SERGEF: variants seen among roughly 807,000 people sequenced by gnomAD.
SERGEF encodes the protein secretion-regulating guanine nucleotide exchange factor.
In SERGEF, 51 loss-of-function variants were observed where a neutral mutation model predicts 50.0. The observed-to-expected ratio is 1.02, with a 90% CI of 0.81 to 1.29. The LOEUF is 1.29. Among genes scored for constraint, SERGEF ranks in the 50% most tolerant of loss-of-function variants. The pLI is 0.00. For synonymous variants in SERGEF, 205 were observed against 212.4 expected (o/e 0.97, Z 0.30); for missense variants, 521 against 557.0 (o/e 0.94, Z 0.65).
chr11:17,959,479 T>G lies in SERGEF; in HGVS notation c.1002A>C (p.Gly334=). 1 of 1,612,796 alleles carries G rather than the reference T, an allele frequency of 6.2e-7. No homozygotes were observed. Among genetic ancestry groups the G allele is most frequent in the Non-Finnish European group, 8.5e-7 (1 of 1,179,588 alleles). ...SMPSSPHCLT[G]ATEVSCGSEH... ...AGAAGTCACTTCCTACCTCAGTTGCTCCAGTTAAGCAATGCGGAGACGAAG... is the reference window on the plus strand; with the variant it reads ...AGAAGTCACTTCCTACCTCAGTTGCGCCAGTTAAGCAATGCGGAGACGAAG... Residue 334 remains glycine, a synonymous_variant, in exon 9 of 11, where the codon GGA becomes GGC. Transcript: ENST00000265965.
At chr11:17,802,228 TCCA>T (rs1849683374) in intron 10 of SERGEF, among the ~76,000 whole-genome samples, 1 of 152,156 alleles carries the variant, frequency 6.6e-6, no homozygotes, top group South Asian at 2.1e-4. Flanking sequence ...ACATCTAATT[TCCA>T]GGTAGTATGA....
chr11:17,982,971 TCA>T, intron 8 of SERGEF, among the ~76,000 whole-genome samples: 1 of 152,346 alleles, frequency 6.6e-6, no homozygotes, highest in Non-Finnish European at 1.5e-5. Flanking sequence ...CTGCTTGGTT[TCA>T]GTTTTTTCAT....
chr11:17,809,261 G>A (rs1290018121), intron 10 of SERGEF, among the ~76,000 whole-genome samples: 1 of 152,178 alleles, frequency 6.6e-6, no homozygotes, highest in African/African-American at 2.4e-5. Context: ...CCACTTGGTG[G>A]AAGAAGACGT....
intron 9 of SERGEF, 95 bp downstream of exon 9, chr11:17,959,375 T>G (rs1237103876): frequency 8.8e-7 from 1 of 1,130,232 alleles, no homozygotes; most frequent in African/African-American, 1.6e-5. Context: ...ATGGTACCTA[T>G]CCATAACGCC....
chr11:17,910,494 C>G (rs1241875226), intron 9 of SERGEF, among the ~76,000 whole-genome samples: 1 of 152,172 alleles, frequency 6.6e-6, no homozygotes, highest in Non-Finnish European at 1.5e-5. Flanking sequence ...TCAAGCAATT[C>G]TCTCCCGCTT....
intron 10 of SERGEF, among the ~76,000 whole-genome samples, chr11:17,827,458 T>A (rs939420406): frequency 6.6e-6 from 1 of 152,166 alleles, no homozygotes; most frequent in Non-Finnish European, 1.5e-5. Flanking sequence ...AGAAAGACAA[T>A]GACACAGGAA....
At chr11:17,915,444 G>A (rs1852031760) in intron 9 of SERGEF, among the ~76,000 whole-genome samples, 1 of 152,164 alleles carries the variant, frequency 6.6e-6, no homozygotes, top group African/African-American at 2.4e-5. Context: ...GGTCACAGAA[G>A]AAATCAAAGG....
At chr11:17,916,254 T>C (rs1378667129) in intron 9 of SERGEF, among the ~76,000 whole-genome samples, 1 of 152,168 alleles carries the variant, frequency 6.6e-6, no homozygotes, top group Non-Finnish European at 1.5e-5. Flanking sequence ...CCAAGAATGT[T>C]CAAAATGAGG....
intron 9 of SERGEF, among the ~76,000 whole-genome samples, chr11:17,933,524 T>C (rs896906978): frequency 1.3e-5 from 2 of 152,166 alleles, no homozygotes; most frequent in African/African-American, 4.8e-5. Flanking sequence ...TCACTCCATC[T>C]ATCTGGGCTT....
intron 8 of SERGEF, among the ~76,000 whole-genome samples, chr11:17,961,944 G>T (rs561528018): frequency 3.9e-5 from 6 of 152,076 alleles, no homozygotes; most frequent in Non-Finnish European, 8.8e-5. Context: ...ATTCATTGAC[G>T]CTGGCTCAAT....
chr11:17,821,829 G>C (rs922308787), intron 10 of SERGEF, among the ~76,000 whole-genome samples: 2 of 152,198 alleles, frequency 1.3e-5, no homozygotes, highest in African/African-American at 2.4e-5. Flanking sequence ...GAGGGCAAGA[G>C]AGTAATGTGA....
At chr11:17,903,502 C>T (rs1415329397) in intron 9 of SERGEF, among the ~76,000 whole-genome samples, 1 of 152,104 alleles carries the variant, frequency 6.6e-6, no homozygotes, top group Non-Finnish European at 1.5e-5. Flanking sequence ...CAAGGTTACC[C>T]TAGATAGATT....
rs200128977 is a variant in SERGEF at position 17,910,185 on chromosome 11, A to ACT, written c.1012-31942_1012-31941insAG. The stretch of plus-strand genomic sequence containing the variant: ...ATTTGCCACCTACACACACACACAC[A>ACT]CACACACACTCTCTCTCTCTCTCTC... On this transcript the variant is annotated intron_variant, in intron 9 of 10. Transcript: ENST00000265965. Among the ~76,000 whole-genome samples the ACT allele has an allele frequency of 2.8e-3, 301 of 108,504 alleles. 1 individual carries two copies. Among genetic ancestry groups the ACT allele is most frequent in the African/African-American group, 0.013 (296 of 22,806 alleles). 71.2% of individuals were successfully genotyped at this position (108,504 alleles called of 152,430 possible). A position where few individuals can be genotyped will look rare whatever the true frequency, so the allele number is the denominator to read the frequency against.
intron 10 of SERGEF, among the ~76,000 whole-genome samples, chr11:17,868,768 A>C (rs1173092992): frequency 6.6e-6 from 1 of 152,232 alleles, no homozygotes; most frequent in Non-Finnish European, 1.5e-5. Context: ...AGGAGGAGAA[A>C]GTCACATCTT....
Position 17,788,304 on chromosome 11 carries a change from T to G in SERGEF, c.1158A>C (p.Gly386=), listed in dbSNP as rs1590113284. 3 of 1,613,622 alleles carry G rather than the reference T, an allele frequency of 1.9e-6. No homozygotes were observed. Among genetic ancestry groups the G allele is most frequent in the Non-Finnish European group, 2.5e-6 (3 of 1,179,900 alleles). The change falls in exon 11 of 11, where the codon GGA becomes GGC. Residue 386 remains glycine, a synonymous_variant. Transcript: ENST00000265965. ...KPVQALLSSS[G]LLVGCGAGHS... Reference sequence around the variant, plus strand: ...GGCCAGCCCCACAGCCCACAAGGAGTCCTGACGATGACAGCAGAGCCTGCA... The same window carrying G: ...GGCCAGCCCCACAGCCCACAAGGAGGCCTGACGATGACAGCAGAGCCTGCA...
At chr11:17,946,270 C>T (rs1005938171) in intron 9 of SERGEF, among the ~76,000 whole-genome samples, 1 of 152,140 alleles carries the variant, frequency 6.6e-6, no homozygotes, top group South Asian at 2.1e-4. Context: ...TTACTAATCA[C>T]GTGACCTTGG....
Position 17,838,840 on chromosome 11 carries a change from G to C in SERGEF, c.1048+39368C>G, listed in dbSNP as rs146910252. Among the ~76,000 whole-genome samples, 448 of 152,292 alleles carry C rather than the reference G, an allele frequency of 2.9e-3. 1 individual carries two copies. Among genetic ancestry groups the C allele is most frequent in the African/African-American group, 9.9e-3 (413 of 41,550 alleles). On this transcript the variant is annotated intron_variant, in intron 10 of 10. Transcript: ENST00000265965. Reference sequence around the variant, plus strand: ...TTGCACAAGGTCATACAGCTCATGAGTGCCATTGGTGGGATGTAAATGCTG... The same window carrying C: ...TTGCACAAGGTCATACAGCTCATGACTGCCATTGGTGGGATGTAAATGCTG...
At chr11:17,895,632 CATACAT>C (rs1309176940) in intron 9 of SERGEF, among the ~76,000 whole-genome samples, 1 of 152,140 alleles carries the variant, frequency 6.6e-6, no homozygotes, top group African/African-American at 2.4e-5. Flanking sequence ...TTCTGGGTGA[CATACAT>C]ATACATATAC....
intron 9 of SERGEF, among the ~76,000 whole-genome samples, chr11:17,880,448 C>T (rs1027329221): frequency 2.4e-4 from 37 of 151,858 alleles, no homozygotes; most frequent in African/African-American, 9.0e-4. Flanking sequence ...TAATATGCAG[C>T]CTCGGAAAAT....
Sources: allele counts gnomAD v4.1 joint callset (sites outside exome capture counted in the v4.1 genomes callset), GRCh38; gene constraint gnomAD v4.1.1; transcripts MANE v1.5; gene names NCBI Gene and HGNC (gene_info 2026-07-23, HGNC 2026-07-21).